SCARA3: variants seen among roughly 807,000 people sequenced by gnomAD.
The protein encoded by SCARA3 is cellular stress response gene protein.
Under a neutral mutation model 47.0 loss-of-function variants are expected in SCARA3, and 39 were observed. That is an observed-to-expected ratio of 0.83 (90% CI 0.64 to 1.08). SCARA3 has a LOEUF of 1.08. Ranked by LOEUF, SCARA3 falls within the 50% of genes least tolerant of loss-of-function variation. The probability of loss-of-function intolerance (pLI) is 0.00; values close to 1 mark genes in which losing one functional copy is unlikely to be tolerated. For missense variants in SCARA3, 724 were observed against 792.3 expected (o/e 0.91, Z 1.04); for synonymous variants, 356 against 334.1 (o/e 1.07, Z -0.71).
At chr8:27,652,389 A>T (rs770993413) in intron 3 of SCARA3, among the ~76,000 whole-genome samples, 4 of 152,204 alleles carry the variant, frequency 2.6e-5, no homozygotes, top group Non-Finnish European at 5.9e-5. Flanking sequence ...GTGCAATCCC[A>T]TTCCACTCTT....
Position 27,672,470 on chromosome 8 carries a change from T to C in SCARA3, c.*1119T>C, listed in dbSNP as rs518732. ...GCTCCTCTGGAGTGGTGGGGAGGATTAGGCTGCAGAAGGGCCAACCCCTTG... is the reference window on the plus strand; with the variant it reads ...GCTCCTCTGGAGTGGTGGGGAGGATCAGGCTGCAGAAGGGCCAACCCCTTG... On this transcript the variant is annotated 3_prime_UTR_variant, in exon 6 of 6. Transcript: ENST00000301904. 0.74 allele frequency: 726,515 copies of C among 985,560 alleles called. 269,587 individuals are homozygous for C. Among genetic ancestry groups the C allele is most frequent in the Non-Finnish European group, 0.76 (627,906 of 830,190 alleles). 61.1% of individuals were successfully genotyped at this position (985,560 alleles called of 1,614,324 possible).
chr8:27,675,836 C>T (rs28660685), downstream of SCARA3, among the ~76,000 whole-genome samples: 1 of 144,798 alleles, frequency 6.9e-6, no homozygotes, highest in Non-Finnish European at 1.5e-5. Flanking sequence ...GCCTCCCCCC[C>T]AGAAACTCTG....
the SCARA3 span, among the ~76,000 whole-genome samples, chr8:27,725,529 CA>C: frequency 7.2e-4 from 102 of 141,554 alleles, no homozygotes; most frequent in East Asian, 1.0e-3. Flanking sequence ...CTGCCCCCTC[CA>C]AAAAAAAAAA....
chr8:27,639,061 T>A (rs1801324352), intron 1 of SCARA3, among the ~76,000 whole-genome samples: 1 of 152,166 alleles, frequency 6.6e-6, no homozygotes, highest in African/African-American at 2.4e-5. Context: ...GTGTCCTCAG[T>A]GTCTCCAGGT....
intron 1 of SCARA3, 103 bp downstream of exon 1, chr8:27,634,310 G>T: frequency 9.3e-7 from 1 of 1,075,096 alleles, no homozygotes; most frequent in South Asian, 3.8e-5. Context: ...CTGAGAGGAG[G>T]GCAGGGCGCC....
chr8:27,725,945 TGTG>T, the SCARA3 span, among the ~76,000 whole-genome samples: 1 of 152,206 alleles, frequency 6.6e-6, no homozygotes, highest in Admixed American at 6.5e-5. Flanking sequence ...ACTTGTACTG[TGTG>T]GCTCCAGAGG....
the SCARA3 span, among the ~76,000 whole-genome samples, chr8:27,719,858 G>T: frequency 3.7e-4 from 56 of 152,226 alleles, no homozygotes; most frequent in Non-Finnish European, 6.0e-4. Context: ...ATGTCTTGGG[G>T]TCTAAAATAG....
At chr8:27,711,184 G>A in the SCARA3 span, among the ~76,000 whole-genome samples, 3 of 152,096 alleles carry the variant, frequency 2.0e-5, no homozygotes, top group African/African-American at 4.8e-5. Flanking sequence ...AGCCTCCCAA[G>A]GTGCTGGGAT....
Position 27,649,706 on chromosome 8 carries a change from G to A in SCARA3, c.12G>A (p.Arg4=). The change falls in exon 2 of 6, where the codon AGG becomes AGA. Residue 4 remains arginine (R), a synonymous_variant. Coordinates refer to ENST00000301904, the MANE Select transcript of SCARA3 (RefSeq NM_016240.3). The part of the protein sequence containing the change: MKV[R]SAGGDGDALC... ...ACGGCACTGGCTTCATTATAGTGAG[G>A]TCGGCCGGCGGCGATGGAGATGCCT... The A allele has an allele frequency of 6.2e-7, 1 of 1,614,108 alleles. No individual in the cohort carries two copies.
the SCARA3 span, among the ~76,000 whole-genome samples, chr8:27,707,390 G>T: frequency 1.3e-4 from 20 of 151,958 alleles, no homozygotes; most frequent in Non-Finnish European, 2.4e-4. Context: ...AGTCTGATAT[G>T]GTCAGAGAAA....
intron 1 of SCARA3, among the ~76,000 whole-genome samples, chr8:27,646,703 T>C (rs1010069758): frequency 6.6e-6 from 1 of 152,100 alleles, no homozygotes; most frequent in African/African-American, 2.4e-5. Flanking sequence ...CCATGGCTAC[T>C]AGGGTGAGGT....
the SCARA3 span, among the ~76,000 whole-genome samples, chr8:27,687,281 C>T: frequency 6.6e-6 from 1 of 152,134 alleles, no homozygotes; most frequent in Non-Finnish European, 1.5e-5. Context: ...GGAGAGAAGA[C>T]CCTACCTCAG....
At chr8:27,645,517 T>C (rs953815558) in intron 1 of SCARA3, among the ~76,000 whole-genome samples, 2 of 152,256 alleles carry the variant, frequency 1.3e-5, no homozygotes, top group Admixed American at 6.5e-5. Context: ...CTGCAGACAC[T>C]CAAATGCGTG....
At position 27,671,642 on chromosome 8, in the gene SCARA3, G is replaced by T; in HGVS notation, c.*291G>T. On this transcript the variant is annotated 3_prime_UTR_variant, in exon 6 of 6. Transcript: ENST00000301904. ...CACACATACACAGGCATACATGCAT[G>T]CACACACACATGCACGCACACACAC... 1.8e-6 allele frequency: 2 copies of T among 1,127,156 alleles called. No individual in the cohort carries two copies. The highest frequency in any genetic ancestry group is 1.1e-6 in the Non-Finnish European group (1 of 916,100). The allele number at this position is 1,127,156 out of a possible 1,614,324, so 69.8% of individuals were successfully genotyped here.
chr8:27,651,031 C>T (rs1801621159), intron 2 of SCARA3, among the ~76,000 whole-genome samples: 1 of 152,208 alleles, frequency 6.6e-6, no homozygotes, highest in African/African-American at 2.4e-5. Context: ...GGCAGGCTTT[C>T]AGTTTTAAAA....
At chr8:27,692,685 A>G in the SCARA3 span, among the ~76,000 whole-genome samples, 1 of 152,138 alleles carries the variant, frequency 6.6e-6, no homozygotes. Context: ...AAAAAAAATT[A>G]CAATCTATTC....
the SCARA3 span, among the ~76,000 whole-genome samples, chr8:27,723,028 G>T: frequency 6.6e-6 from 1 of 152,112 alleles, no homozygotes; most frequent in African/African-American, 2.4e-5. Flanking sequence ...CATCAACCAC[G>T]CTGTGCATCT....
chr8:27,701,065 T>C, the SCARA3 span: 1 of 151,102 alleles, frequency 6.6e-6, no homozygotes, highest in Non-Finnish European at 1.5e-5. Context: ...ATGGAAAAAT[T>C]ATGATAAATC....
chr8:27,658,480 TC>T lies in SCARA3; in HGVS notation c.326-13del, dbSNP rs1392640315. 6.3e-7 allele frequency: 1 copy of T among 1,577,778 alleles called. No individual in the cohort carries two copies. Among genetic ancestry groups the T allele is most frequent in the Non-Finnish European group, 8.6e-7 (1 of 1,164,826 alleles). On this transcript the variant is annotated splice_polypyrimidine_tract_variant and intron_variant, in intron 4 of 5. Transcript: ENST00000301904. ...GGCCCTTCAGCAACTCAAACTGTTATCCCTTTCCCCTAAAGATCCGAAAGCC... is the reference window on the plus strand; with the variant it reads ...GGCCCTTCAGCAACTCAAACTGTTATCCTTTCCCCTAAAGATCCGAAAGCC...
Sources: allele counts gnomAD v4.1 joint callset (sites outside exome capture counted in the v4.1 genomes callset), GRCh38; gene constraint gnomAD v4.1.1; transcripts MANE v1.5; gene names NCBI Gene and HGNC (gene_info 2026-07-23, HGNC 2026-07-21).